The following ME1 variants were observed in gnomAD, a reference collection of about 807,000 sequenced individuals.
ME1 encodes malic enzyme 1.
ME1 carries 74 observed loss-of-function variants against 66.4 expected under a neutral mutation model. The ratio of observed to expected loss-of-function variants is 1.11; its 90% confidence interval spans 0.92 to 1.35. The LOEUF (loss-of-function observed/expected upper bound fraction) is 1.35, where lower values mean the gene tolerates loss of function less well. Ranked by LOEUF, ME1 falls within the 40% of genes most tolerant of loss-of-function variation. The probability of loss-of-function intolerance (pLI) is 0.00; values close to 1 mark genes in which losing one functional copy is unlikely to be tolerated. For missense variants in ME1, 750 were observed against 694.1 expected, an observed-to-expected ratio of 1.08 and a Z score of -0.90; for synonymous variants, 251 against 235.6, an observed-to-expected ratio of 1.07 and a Z score of -0.60.
intron 6 of ME1, among the ~76,000 whole-genome samples, chr6:83,301,049 G>T (rs1767705747): frequency 6.6e-6 from 1 of 152,078 alleles, no homozygotes; most frequent in African/African-American, 2.4e-5. Context: ...CCTGCCATGG[G>T]ATGGGGGGAG....
At position 83,243,523 on chromosome 6, in the gene ME1, TATATC is replaced by T. The variant is rs1410455422; in HGVS notation, c.815-3892_815-3888del. On this transcript the variant is annotated intron_variant, in intron 7 of 13. Coordinates refer to ENST00000369705, the MANE Select transcript of ME1 (RefSeq NM_002395.6). ...TTGATATAATCTATTATAATTATAT[TATATC>T]GATATAATCTATTATAATTATATTA... is the stretch of plus-strand genomic sequence containing the variant. Among the ~76,000 whole-genome samples, 505 of 126,400 alleles carry T rather than the reference TATATC, an allele frequency of 4.0e-3. 16 individuals carry two copies. The highest frequency in any genetic ancestry group is 0.014 in the African/African-American group (451 of 31,804). 82.9% of individuals were successfully genotyped at this position (126,400 alleles called of 152,430 possible). A position where few individuals can be genotyped will look rare whatever the true frequency, so the allele number is the denominator to read the frequency against.
At chr6:83,398,654 G>A in intron 2 of ME1, 138 bp from the exon 3 acceptor site, 1 of 510,034 alleles carries the variant, frequency 2.0e-6, no homozygotes, top group Non-Finnish European at 3.4e-6. Context: ...AAAGACTTAA[G>A]AAATATTCTT....
intron 3 of ME1, among the ~76,000 whole-genome samples, chr6:83,365,687 G>T (rs1769090027): frequency 6.6e-6 from 1 of 152,130 alleles, no homozygotes; most frequent in Non-Finnish European, 1.5e-5. Context: ...TTCTTCACAA[G>T]AGCTACTTCA....
At chr6:83,350,321 A>G (rs1360848591) in intron 4 of ME1, among the ~76,000 whole-genome samples, 1 of 152,198 alleles carries the variant, frequency 6.6e-6, no homozygotes, top group Non-Finnish European at 1.5e-5. Context: ...CTTATGAATA[A>G]AGTTAAAGAT....
At chr6:83,248,560 C>T (rs971733599) in intron 7 of ME1, among the ~76,000 whole-genome samples, 4 of 152,110 alleles carry the variant, frequency 2.6e-5, no homozygotes, top group African/African-American at 9.7e-5. Flanking sequence ...AGGGAGGGAC[C>T]TGTAGTTCCC....
intron 3 of ME1, among the ~76,000 whole-genome samples, chr6:83,365,536 T>C (rs1461757552): frequency 6.6e-6 from 1 of 152,178 alleles, no homozygotes; most frequent in African/African-American, 2.4e-5. Context: ...ACAGAGAAAC[T>C]AGTGTAAGGT....
rs1768035298 is a variant in ME1, at chr6:83,316,622, G to C, written c.601-1209C>G. Among the ~76,000 whole-genome samples the C allele has an allele frequency of 2.7e-5, 4 of 150,624 alleles. No homozygotes were observed. In the South Asian group the frequency reaches 8.4e-4, roughly 32 times the overall value. On this transcript the variant is annotated intron_variant, in intron 5 of 13. Transcript: ENST00000369705. ...GAAATATAGATTGAAAAAAAAAGAA[G>C]CAAAACTTTTTTATTTGTACACATA...
Position 83,357,935 on chromosome 6 carries a change from CTATATATATATATATATATATATATATA to C in ME1, c.363-5824_363-5797del, listed in dbSNP as rs60624497. On this transcript the variant is annotated intron_variant, in intron 3 of 13. Transcript: ENST00000369705. ...TCTCTCTCTCTCTCTCTCTCTCTCTCTATATATATATATATATATATATATATATATATATATATTTCATTAGTTCTGT... is the reference window on the plus strand; with the variant it reads ...TCTCTCTCTCTCTCTCTCTCTCTCTCTATATATATATTTCATTAGTTCTGT... Among the ~76,000 whole-genome samples the C allele has an allele frequency of 2.8e-3, 84 of 30,046 alleles. 1 individual carries two copies. Among genetic ancestry groups the C allele is most frequent in the Middle Eastern group, 0.031 (1 of 32 alleles). The allele number at this position is 30,046 out of a possible 152,430, so 19.7% of individuals were successfully genotyped here.
chr6:83,298,931 GTTTTTTTTTTTTTTTTTTTTTTTT>G (rs61055748), intron 6 of ME1, among the ~76,000 whole-genome samples: 6 of 22,458 alleles, frequency 2.7e-4, no homozygotes, highest in South Asian at 2.8e-3. Context: ...CTATGTGTCT[GTTTTTTTTTTTTTTTTTTTTTTTT>G]TTTTTTTTTT....
At chr6:83,397,926 C>G (rs548474886) in intron 3 of ME1, among the ~76,000 whole-genome samples, 9 of 152,182 alleles carry the variant, frequency 5.9e-5, no homozygotes, top group African/African-American at 2.2e-4. Context: ...TAAAAATAGT[C>G]AAACTCATAG....
At chr6:83,322,655 G>A (rs986389890) in intron 5 of ME1, among the ~76,000 whole-genome samples, 23 of 152,216 alleles carry the variant, frequency 1.5e-4, no homozygotes, top group African/African-American at 5.5e-4. Flanking sequence ...ATGGGACTAT[G>A]TGAAAAGGCC....
At chr6:83,254,667 T>C (rs1431452423) in intron 6 of ME1, among the ~76,000 whole-genome samples, 1 of 152,160 alleles carries the variant, frequency 6.6e-6, no homozygotes, top group Non-Finnish European at 1.5e-5. Flanking sequence ...ATGTCTATTT[T>C]CTTCCTCAAC....
At chr6:83,330,757 C>T (rs1332975194) in intron 5 of ME1, among the ~76,000 whole-genome samples, 1 of 152,130 alleles carries the variant, frequency 6.6e-6, no homozygotes, top group African/African-American at 2.4e-5. Flanking sequence ...CATTCTCTTT[C>T]CCAAGGCACT....
At chr6:83,371,351 T>C (rs954470669) in intron 3 of ME1, among the ~76,000 whole-genome samples, 4 of 152,156 alleles carry the variant, frequency 2.6e-5, no homozygotes, top group African/African-American at 9.6e-5. Flanking sequence ...CAGATTAGTG[T>C]ATCTAAACCC....
At chr6:83,277,515 C>T (rs1170497) in intron 6 of ME1, among the ~76,000 whole-genome samples, 33,877 of 152,050 alleles carry the variant, frequency 0.22, 4,152 homozygotes, top group Middle Eastern at 0.39. Context: ...AGTTAGAATA[C>T]CATATTATTT....
intron 3 of ME1, among the ~76,000 whole-genome samples, chr6:83,386,924 A>G (rs1487074294): frequency 6.6e-6 from 1 of 152,078 alleles, no homozygotes; most frequent in Non-Finnish European, 1.5e-5. Context: ...CTGCTCTCAG[A>G]CTTCCCAGCC....
At chr6:83,243,399 ATATAT>A (rs1434665904) in intron 7 of ME1, among the ~76,000 whole-genome samples, 2 of 59,810 alleles carry the variant, frequency 3.3e-5, no homozygotes, top group Admixed American at 1.7e-4. Context: ...TATTTATATA[ATATAT>A]TATATAATTA....
intron 5 of ME1, among the ~76,000 whole-genome samples, chr6:83,323,389 G>A (rs1157073361): frequency 6.6e-6 from 1 of 152,050 alleles, no homozygotes; most frequent in Non-Finnish European, 1.5e-5. Flanking sequence ...ACCCATCAGT[G>A]TGCTGTATTC....
intron 6 of ME1, among the ~76,000 whole-genome samples, chr6:83,288,790 T>C (rs1462758120): frequency 6.6e-6 from 1 of 152,238 alleles, no homozygotes; most frequent in Non-Finnish European, 1.5e-5. Context: ...TCCATGAGCA[T>C]GGAATGTTTT....
Sources: allele counts gnomAD v4.1 joint callset (sites outside exome capture counted in the v4.1 genomes callset), GRCh38; gene constraint gnomAD v4.1.1; transcripts MANE v1.5; gene names NCBI Gene and HGNC (gene_info 2026-07-23, HGNC 2026-07-21).